The following RAI1 variants were observed in gnomAD, a reference collection of about 807,000 sequenced individuals.
RAI1 encodes the protein retinoic acid induced 1, also known as retinoic acid-induced protein 1.
A neutral mutation model predicts 123.8 loss-of-function variants in RAI1; 9 were observed. The ratio of observed to expected loss-of-function variants is 0.07; its 90% CI spans 0.04 to 0.13. The LOEUF is 0.13. RAI1 is among the 10% of genes least tolerant of loss of function. RAI1 has a pLI of 1.00. For synonymous variants in RAI1, 1,231 were observed against 1,127.3 expected, an observed-to-expected ratio of 1.09 and a Z score of -1.84; for missense variants, 2,256 against 2,545.8, an observed-to-expected ratio of 0.89 and a Z score of 2.45.
intron 2 of RAI1, among the ~76,000 whole-genome samples, chr17:17,759,805 A>G (rs1049747896): frequency 2.6e-5 from 4 of 152,154 alleles, no homozygotes; most frequent in Admixed American, 6.5e-5. Context: ...CTGAATGCAG[A>G]GCTGTGAAAA....
chr17:17,712,759 C>A (rs980698523), intron 1 of RAI1, among the ~76,000 whole-genome samples: 1 of 152,180 alleles, frequency 6.6e-6, no homozygotes, highest in Non-Finnish European at 1.5e-5. Context: ...CAAGCCTCTC[C>A]ATGGTGTAAA....
At chr17:17,681,840 CG>C in intron 1 of RAI1, 47 bp downstream of exon 1, 2 of 265,454 alleles carry the variant, frequency 7.5e-6, no homozygotes, top group Non-Finnish European at 1.4e-5. Context: ...TATCCTGCCC[CG>C]GGGCGGGGGC....
chr17:17,723,527 G>C (rs1464293684), intron 1 of RAI1, among the ~76,000 whole-genome samples: 1 of 150,540 alleles, frequency 6.6e-6, no homozygotes, highest in Admixed American at 6.6e-5. Context: ...CTGCGCGCGC[G>C]CGCACTCTTA....
At chr17:17,689,795 A>G (rs1370465178) in intron 1 of RAI1, among the ~76,000 whole-genome samples, 3 of 152,212 alleles carry the variant, frequency 2.0e-5, no homozygotes, top group African/African-American at 7.2e-5. Flanking sequence ...TCAGGTACAT[A>G]GAAAGTGCCA....
In RAI1 at chr17:17,800,900, C is replaced by G. The variant is rs919417334; in HGVS notation, c.5565+2387C>G. Among the ~76,000 whole-genome samples the G allele has an allele frequency of 6.6e-6, 1 of 152,194 alleles. No homozygotes were observed. The highest frequency in any genetic ancestry group is 2.4e-5 in the African/African-American group (1 of 41,434). ...TCTGCCGAGGGCTGGTTCCATAGCTCCAGGCGAGTCACGCATGCTCTGAGA... is the reference window on the plus strand; with the variant it reads ...TCTGCCGAGGGCTGGTTCCATAGCTGCAGGCGAGTCACGCATGCTCTGAGA... On this transcript the variant is annotated intron_variant, in intron 3 of 5. Transcript: ENST00000353383. This position sits in a 1 kb window ranked among gnomAD's most constrained non-coding sequence, Gnocchi z 4.7.
intron 2 of RAI1, among the ~76,000 whole-genome samples, chr17:17,751,580 T>C (rs1301420083): frequency 6.6e-6 from 1 of 152,238 alleles, no homozygotes; most frequent in Admixed American, 6.5e-5. Flanking sequence ...TGGCTTGCTC[T>C]GCTGTGTCAC....
chr17:17,792,974 G>C lies in RAI1; in HGVS notation c.26G>C (p.Gly9Ala). The C allele has an allele frequency of 6.2e-7, 1 of 1,611,256 alleles. No individual in the cohort carries two copies. The highest frequency in any genetic ancestry group is 8.5e-7 in the Non-Finnish European group (1 of 1,178,358). Residue 9 changes from glycine (G) to alanine (A), a missense_variant, in exon 3 of 6, where the codon GGT becomes GCT. This residue lies in a region of RAI1 where 336 missense variants were observed against 349.8 expected (regional missense o/e 0.96). Coordinates refer to ENST00000353383, the MANE Select transcript of RAI1 (RefSeq NM_030665.4). ...ATGCAGTCTTTTCGAGAAAGGTGTG[G>C]TTTCCATGGCAAACAACAGAACTAC... The part of the protein sequence containing the change: MQSFRERC[G>A]FHGKQQNYQQ...
intron 2 of RAI1, among the ~76,000 whole-genome samples, chr17:17,788,336 A>G (rs1567908181): frequency 6.6e-6 from 1 of 151,686 alleles, no homozygotes; most frequent in Admixed American, 6.6e-5. Context: ...CTCCTTGGAA[A>G]CTCGCCCCCT....
In RAI1 at chr17:17,793,333, C is replaced by T. The variant is rs1443501553; in HGVS notation, c.385C>T (p.Pro129Ser). Residue 129 changes from proline to serine, a missense_variant, in exon 3 of 6, where the codon CCA becomes TCA. Pro to Ser is a moderately conservative substitution (Grantham distance 74). Transcript: ENST00000353383. ...QAWGAPQPPP[P>S]QPQPLPAGVA... ...TTGGGGGGCCCCACAGCCACCACCC[C>T]CACAGCCGCAGCCACTACCTGCAGG... is the stretch of plus-strand genomic sequence containing the variant. 4.3e-6 allele frequency: 7 copies of T among 1,612,558 alleles called. No homozygotes were observed. In the South Asian group the frequency reaches 7.7e-5, roughly 18 times the overall value.
Position 17,797,062 on chromosome 17 carries a change from G to A in RAI1, c.4114G>A (p.Gly1372Arg), listed in dbSNP as rs149839441. The A allele has an allele frequency of 6.2e-7, 1 of 1,613,832 alleles. No homozygotes were observed. Among genetic ancestry groups the A allele is most frequent in the East Asian group, 2.2e-5 (1 of 44,894 alleles). Residue 1372 changes from glycine (G) to arginine (R), a missense_variant, in exon 3 of 6, where the codon GGG (glycine) becomes AGG (arginine). Transcript: ENST00000353383. ...SDKDRGLKGA[G>R]GSPVGVEEGL... The stretch of plus-strand genomic sequence containing the variant: ...CAAAGACCGTGGGCTCAAGGGTGCT[G>A]GGGGCAGCCCAGTGGGGGTGGAAGA...
intron 2 of RAI1, among the ~76,000 whole-genome samples, chr17:17,774,221 C>G (rs1003777259): frequency 5.9e-5 from 9 of 152,250 alleles, no homozygotes; most frequent in Non-Finnish European, 8.8e-5. Flanking sequence ...TTGCTCAACC[C>G]TGCAAGGTGG....
At chr17:17,738,945 T>C (rs1410725266) in intron 2 of RAI1, among the ~76,000 whole-genome samples, 5 of 152,180 alleles carry the variant, frequency 3.3e-5, no homozygotes, top group Non-Finnish European at 7.4e-5. Flanking sequence ...CTGCCCGTAG[T>C]ATCCTGGGGA....
chr17:17,794,218 G>A lies in RAI1; in HGVS notation c.1270G>A (p.Glu424Lys). 6.2e-7 allele frequency: 1 copy of A among 1,613,498 alleles called. No individual in the cohort carries two copies. The highest frequency in any genetic ancestry group is 1.1e-5 in the South Asian group (1 of 91,090). ...CKPLQKDKLP[E>K]NLLSDLSLQS... ...GCCCCTTCAGAAGGACAAGCTCCCT[G>A]AGAACCTGCTGTCGGATCTCAGCCT... Residue 424 changes from glutamate to lysine, a missense_variant, in exon 3 of 6, where the codon GAG becomes AAG. Coordinates refer to ENST00000353383, the MANE Select transcript of RAI1 (RefSeq NM_030665.4).
intron 1 of RAI1, among the ~76,000 whole-genome samples, chr17:17,683,164 C>T (rs1914502766): frequency 6.6e-6 from 1 of 152,222 alleles, no homozygotes; most frequent in South Asian, 2.1e-4. Context: ...CGCTGCCGGG[C>T]TGTTAAGACC....
At chr17:17,718,169 G>A (rs1915769301) in intron 1 of RAI1, among the ~76,000 whole-genome samples, 1 of 152,178 alleles carries the variant, frequency 6.6e-6, no homozygotes, top group African/African-American at 2.4e-5. Context: ...TGGCCACCAA[G>A]GCAAGCCTTC....
rs755230504 is a variant in RAI1, at chr17:17,795,158, C to T, written c.2210C>T (p.Ser737Leu). ...DCFPDTTAAS[S>L]ADSANPFAWP... ...TTCCCGGACACAACCGCTGCCAGCT[C>T]AGCGGACAGCGCCAACCCCTTTGCC... The change falls in exon 3 of 6, where the codon TCA (serine) becomes TTA (leucine). Residue 737 changes from serine to leucine, a missense_variant. This residue lies in a region of RAI1 where 566 missense variants were observed against 616.0 expected (regional missense o/e 0.92). Coordinates refer to ENST00000353383, the MANE Select transcript of RAI1 (RefSeq NM_030665.4). This position sits in a 1 kb window ranked among gnomAD's most constrained non-coding sequence, Gnocchi z 5.9. The T allele has an allele frequency of 2.5e-6, 4 of 1,614,054 alleles. No individual in the cohort carries two copies. Among genetic ancestry groups the T allele is most frequent in the South Asian group, 1.1e-5 (1 of 91,084 alleles).
At chr17:17,780,485 C>G (rs575350518) in intron 2 of RAI1, among the ~76,000 whole-genome samples, 1 of 152,130 alleles carries the variant, frequency 6.6e-6, no homozygotes, top group Non-Finnish European at 1.5e-5. Context: ...CAAAGCCCCA[C>G]GGGCATCTCC....
At chr17:17,683,102 A>G (rs996207112) in intron 1 of RAI1, among the ~76,000 whole-genome samples, 8 of 152,150 alleles carry the variant, frequency 5.3e-5, no homozygotes, top group Non-Finnish European at 1.2e-4. Context: ...CCAATGCAGT[A>G]GTGTGTTGAG....
At chr17:17,784,569 T>C (rs548311762) in intron 2 of RAI1, among the ~76,000 whole-genome samples, 14 of 152,192 alleles carry the variant, frequency 9.2e-5, no homozygotes, top group African/African-American at 2.7e-4. Context: ...GCAAAAAGTG[T>C]CTTCCCGTGG....
Sources: allele counts gnomAD v4.1 joint callset (sites outside exome capture counted in the v4.1 genomes callset), GRCh38; gene constraint gnomAD v4.1.1; regional missense constraint gnomAD v4.1.1; non-coding constraint Gnocchi (gnomAD v3.1); transcripts MANE v1.5; gene names NCBI Gene and HGNC (gene_info 2026-07-23, HGNC 2026-07-21).